Variants in USP6NL observed in about 807,000 individuals in gnomAD.
The protein encoded by USP6NL is USP6 N-terminal-like protein.
A neutral mutation model predicts 61.9 loss-of-function variants in USP6NL; 26 were observed. The observed-to-expected ratio is 0.42, with a 90% CI of 0.31 to 0.58. USP6NL has a LOEUF of 0.58. Among genes scored for constraint, USP6NL ranks in the 20% least tolerant of loss-of-function variants. The pLI, the probability that USP6NL is intolerant of heterozygous loss-of-function variation, is 0.16. For synonymous variants in USP6NL, 432 were observed against 390.1 expected (o/e 1.11, Z -1.27); for missense variants, 1,114 against 1,034.3 (o/e 1.08, Z -1.06).
chr10:11,508,133 T>C (rs1321177176), intron 6 of USP6NL, among the ~76,000 whole-genome samples: 1 of 152,156 alleles, frequency 6.6e-6, no homozygotes, highest in Non-Finnish European at 1.5e-5. Context: ...GTTAACTCAG[T>C]TGTGTTTTGC....
chr10:11,463,615 T>G lies in USP6NL; in HGVS notation c.1313A>C (p.Glu438Ala), dbSNP rs376354519. The change falls in exon 15 of 15, where the codon GAG (glutamate) becomes GCG (alanine). Residue 438 changes from glutamate to alanine, a missense_variant. By Grantham distance (107) the Glu-to-Ala change is moderately radical (BLOSUM62 -1). Transcript: ENST00000609104. The surrounding 1 kb of genome is among the most constrained non-coding windows in gnomAD (Gnocchi z 6.3). ...CTCATCTTTAAGCTTTTTGCTCTCC[T>G]CCTCCACCGATTTCCGTCTTGGCGG... ...AQPPRRKSVE[E>A]ESKKLKDEAD... The G allele has an allele frequency of 1.3e-5, 21 of 1,613,842 alleles. No individual in the cohort carries two copies. In the East Asian group the frequency reaches 4.7e-4, roughly 36 times the overall value.
Position 11,562,189 on chromosome 10 carries a change from T to C in USP6NL, c.5-34622A>G, listed in dbSNP as rs1299698876. 2.7e-5 allele frequency among the ~76,000 whole-genome samples: 4 copies of C among 150,504 alleles called. No homozygotes were observed. The highest frequency in any genetic ancestry group is 2.0e-4 in the East Asian group (1 of 5,094). ...CAGCTACTTGGGAGGCTGAAGCCGGTAGGCGGAGGTTGCAGTGAGCCGAGA... is the reference window on the plus strand; with the variant it reads ...CAGCTACTTGGGAGGCTGAAGCCGGCAGGCGGAGGTTGCAGTGAGCCGAGA... On this transcript the variant is annotated intron_variant, in intron 2 of 14. Transcript: ENST00000609104. This position sits in a 1 kb window ranked among gnomAD's most constrained non-coding sequence, Gnocchi z 4.8.
rs369447274 is a variant in USP6NL at position 11,536,441 on chromosome 10, T to C, written c.5-8874A>G. Among the ~76,000 whole-genome samples the C allele has an allele frequency of 2.4e-3, 369 of 152,278 alleles. 1 individual carries two copies. Among genetic ancestry groups the C allele is most frequent in the African/African-American group, 8.6e-3 (357 of 41,560 alleles). On this transcript the variant is annotated intron_variant, in intron 2 of 14. Coordinates refer to ENST00000609104, the MANE Select transcript of USP6NL (RefSeq NM_014688.5). Reference sequence around the variant, plus strand: ...AGCATTTTGTGCCTGGCTAGCTGCCTCCCCCATTATCTTCATGTTCTTGGA... The same window carrying C: ...AGCATTTTGTGCCTGGCTAGCTGCCCCCCCCATTATCTTCATGTTCTTGGA...
rs949221806 is a variant in USP6NL, at chr10:11,475,793, A to AT, written c.1078+5976dup. On this transcript the variant is annotated intron_variant, in intron 14 of 14. Coordinates refer to ENST00000609104, the MANE Select transcript of USP6NL (RefSeq NM_014688.5). ...CACAGATTATCTGCTAACTGAAAAG[A>AT]TTTTTTTTTAATTAAAAAAACTTTT... 1.4e-3 allele frequency among the ~76,000 whole-genome samples: 214 copies of AT among 151,554 alleles called. 1 individual carries two copies. Among genetic ancestry groups the AT allele is most frequent in the African/African-American group, 4.5e-3 (188 of 41,334 alleles).
At chr10:11,498,341 G>T (rs991105880) in intron 7 of USP6NL, among the ~76,000 whole-genome samples, 1 of 148,402 alleles carries the variant, frequency 6.7e-6, no homozygotes, top group Admixed American at 6.9e-5. Flanking sequence ...TTCCACTATG[G>T]TCTGATCCTA....
Position 11,497,726 on chromosome 10 carries a change from T to C in USP6NL, c.384+3375A>G, listed in dbSNP as rs147320191. Among the ~76,000 whole-genome samples the C allele has an allele frequency of 2.6e-3, 396 of 152,324 alleles. 2 individuals are homozygous for C. The highest frequency in any genetic ancestry group is 8.6e-3 in the African/African-American group (358 of 41,564). On this transcript the variant is annotated intron_variant, in intron 7 of 14. Transcript: ENST00000609104. ...CAGAAATATTATTTATGTCCTAAAA[T>C]GTTTATAAGCTAATGCATGGAATGC... is the stretch of plus-strand genomic sequence containing the variant.
Position 11,562,258 on chromosome 10 carries a change from T to G in USP6NL, c.5-34691A>C. 8.0e-6 allele frequency: 3 copies of G among 377,108 alleles called. No homozygotes were observed. Among genetic ancestry groups the G allele is most frequent in the Non-Finnish European group, 1.1e-5 (3 of 280,830 alleles). The allele number at this position is 377,108 out of a possible 1,614,324, so 23.4% of individuals were successfully genotyped here. ...GCCTGGCGGACAGTGCAAGACTCCA[T>G]CTCAAAAAAAAAAAAAAAAAATTGC... On this transcript the variant is annotated intron_variant, in intron 2 of 14. Transcript: ENST00000609104. The surrounding 1 kb of genome is among the most constrained non-coding windows in gnomAD (Gnocchi z 4.8).
chr10:11,551,068 C>T (rs1398099631), intron 2 of USP6NL, among the ~76,000 whole-genome samples: 1 of 152,150 alleles, frequency 6.6e-6, no homozygotes, highest in Non-Finnish European at 1.5e-5. Flanking sequence ...GAAATGAGAG[C>T]ATGTGTCTTA....
chr10:11,502,136 G>A (rs1377943159), intron 6 of USP6NL, among the ~76,000 whole-genome samples: 1 of 151,916 alleles, frequency 6.6e-6, no homozygotes, highest in South Asian at 2.1e-4. Flanking sequence ...GTGGGTGCCT[G>A]TAGTCCCAGC....
At chr10:11,512,128 G>A (rs1478282095) in intron 5 of USP6NL, among the ~76,000 whole-genome samples, 3 of 152,178 alleles carry the variant, frequency 2.0e-5, no homozygotes, top group Non-Finnish European at 4.4e-5. Context: ...GCTAGGGAAT[G>A]TCATCTTGCC....
rs1268856383 is a variant in USP6NL at position 11,574,598 on chromosome 10, T to G, written c.4+23033A>C. 6.6e-6 allele frequency among the ~76,000 whole-genome samples: 1 copy of G among 152,224 alleles called. No homozygotes were observed. Among genetic ancestry groups the G allele is most frequent in the Non-Finnish European group, 1.5e-5 (1 of 68,028 alleles). On this transcript the variant is annotated intron_variant, in intron 2 of 14. Coordinates refer to ENST00000609104, the MANE Select transcript of USP6NL (RefSeq NM_014688.5). The surrounding 1 kb of genome is among the most constrained non-coding windows in gnomAD (Gnocchi z 4.3). ...CTAAAAGAGAAAAATGACACTCAGGTGAACATGGCTAAATGCTATGTTTAT... is the reference window on the plus strand; with the variant it reads ...CTAAAAGAGAAAAATGACACTCAGGGGAACATGGCTAAATGCTATGTTTAT...
chr10:11,550,899 T>C (rs1470749210), intron 2 of USP6NL, among the ~76,000 whole-genome samples: 1 of 151,028 alleles, frequency 6.6e-6, no homozygotes, highest in African/African-American at 2.4e-5. Context: ...CACTAATAAT[T>C]AGAGAAATGT....
rs1179923329 is a variant in USP6NL at position 11,501,203 on chromosome 10, A to G, written c.282T>C (p.His94=). 3.7e-6 allele frequency: 6 copies of G among 1,607,230 alleles called. No individual in the cohort carries two copies. The African/African-American group carries it at 4.0e-5, about 11-fold the overall frequency. Residue 94 remains histidine, a synonymous_variant, in exon 7 of 15, where the codon CAT becomes CAC. Coordinates refer to ENST00000609104, the MANE Select transcript of USP6NL (RefSeq NM_014688.5). ...WEKYKNTEKF[H]RRIYKGIPLQ... is the part of the protein sequence containing the mutation. ...GTGGTATTCCTTTGTAAATTCGCCT[A>G]TGAAACTTATTAAAAGAAAAAGAAA...
At chr10:11,550,711 C>T (rs972599413) in intron 2 of USP6NL, among the ~76,000 whole-genome samples, 2 of 151,790 alleles carry the variant, frequency 1.3e-5, no homozygotes, top group Non-Finnish European at 2.9e-5. Flanking sequence ...GAGCTGAGAT[C>T]GCGCCACTGC....
intron 6 of USP6NL, among the ~76,000 whole-genome samples, chr10:11,505,214 GAA>G (rs1834383027): frequency 6.6e-6 from 1 of 152,146 alleles, no homozygotes; most frequent in Non-Finnish European, 1.5e-5. Flanking sequence ...GCCAGGAAGG[GAA>G]AAGTGGGGGT....
At chr10:11,580,169 CT>C (rs1486986158) in intron 2 of USP6NL, among the ~76,000 whole-genome samples, 1 of 152,158 alleles carries the variant, frequency 6.6e-6, no homozygotes, top group Non-Finnish European at 1.5e-5. Context: ...GGATGGTGAC[CT>C]TGTCCTGAGT....
chr10:11,542,972 T>C lies in USP6NL; in HGVS notation c.5-15405A>G, dbSNP rs542018451. Among the ~76,000 whole-genome samples, 3 of 151,534 alleles carry C rather than the reference T, an allele frequency of 2.0e-5. No individual in the cohort carries two copies. In the East Asian group the frequency reaches 5.8e-4, roughly 29 times the overall value. On this transcript the variant is annotated intron_variant, in intron 2 of 14. Transcript: ENST00000609104. The stretch of plus-strand genomic sequence containing the variant: ...AATCTACCGCAGGAGCAGAAGTATA[T>C]ATAGGAAAACAAGAAAAATATTTAG...
At position 11,481,831 on chromosome 10, in the gene USP6NL, T is replaced by C. The variant is rs2133222221; in HGVS notation, c.1017A>G (p.Ile339Met). Reference sequence around the variant, plus strand: ...CTGTCATAGAAATCTGAAGTTGCTCTATCACAAAATCATCTTCAAAGAAAA... The same window carrying C: ...CTGTCATAGAAATCTGAAGTTGCTCCATCACAAAATCATCTTCAAAGAAAA... ...KDFFFEDDFV[I>M]EQLQISMTEL... is the part of the protein sequence containing the mutation. Residue 339 changes from isoleucine to methionine, a missense_variant, in exon 14 of 15, where the codon ATA becomes ATG. By Grantham distance (10) the Ile-to-Met change is conservative. Coordinates refer to ENST00000609104, the MANE Select transcript of USP6NL (RefSeq NM_014688.5). This position sits in a 1 kb window ranked among gnomAD's most constrained non-coding sequence, Gnocchi z 4.4. The C allele has an allele frequency of 1.2e-6, 2 of 1,613,306 alleles. No individual in the cohort carries two copies. The highest frequency in any genetic ancestry group is 4.5e-5 in the East Asian group (2 of 44,876).
At position 11,470,765 on chromosome 10, in the gene USP6NL, A is replaced by G. The variant is rs1394598713; in HGVS notation, c.1079-6916T>C. ...AAACAGAAAACTATATATAGGCAAT[A>G]AGCATTCCTATTTATTATCCACGCT... On this transcript the variant is annotated intron_variant, in intron 14 of 14. Coordinates refer to ENST00000609104, the MANE Select transcript of USP6NL (RefSeq NM_014688.5). This position sits in a 1 kb window ranked among gnomAD's most constrained non-coding sequence, Gnocchi z 5.4. Among the ~76,000 whole-genome samples the G allele has an allele frequency of 6.6e-6, 1 of 152,240 alleles. No homozygotes were observed. The highest frequency in any genetic ancestry group is 1.5e-5 in the Non-Finnish European group (1 of 68,034).
Sources: gnomAD v4.1 joint callset for allele counts (sites outside exome capture counted in the v4.1 genomes callset) on GRCh38, gnomAD v4.1.1 for gene constraint, Gnocchi (gnomAD v3.1) non-coding constraint, MANE v1.5 for transcripts, NCBI Gene and HGNC (gene_info 2026-07-23, HGNC 2026-07-21) for gene names.